The following FRS2 variants were observed in gnomAD, a reference collection of about 807,000 sequenced individuals.
FRS2 encodes FGFR signalling adaptor.
Under a neutral mutation model 43.9 loss-of-function variants are expected in FRS2, and 8 were observed. The ratio of observed to expected loss-of-function variants is 0.18; its 90% CI spans 0.11 to 0.33. The LOEUF is 0.33. FRS2 is among the 10% of genes least tolerant of loss of function. The pLI is 1.00. For missense variants in FRS2, 534 were observed against 627.6 expected (o/e 0.85, Z 1.59); for synonymous variants, 219 against 220.3 (o/e 0.99, Z 0.05).
At chr12:69,569,432 C>CT (rs1474116493) in intron 5 of FRS2, among the ~76,000 whole-genome samples, 21 of 152,310 alleles carry the variant, frequency 1.4e-4, no homozygotes, top group Non-Finnish European at 4.4e-5. Context: ...TAACTGGACT[C>CT]TACCTCAAGT....
At chr12:69,496,748 G>A (rs1872935945) in intron 1 of FRS2, among the ~76,000 whole-genome samples, 1 of 152,172 alleles carries the variant, frequency 6.6e-6, no homozygotes, top group Non-Finnish European at 1.5e-5. Flanking sequence ...GAAGATATTA[G>A]TTATCTTTAC....
At chr12:69,548,234 C>G (rs952758197) in intron 3 of FRS2, among the ~76,000 whole-genome samples, 17 of 152,054 alleles carry the variant, frequency 1.1e-4, no homozygotes, top group African/African-American at 4.1e-4. Flanking sequence ...AGGCAAAGAC[C>G]AATTAGAAGG....
intron 3 of FRS2, among the ~76,000 whole-genome samples, chr12:69,560,336 A>G (rs951091763): frequency 5.3e-5 from 8 of 152,160 alleles, no homozygotes; most frequent in African/African-American, 1.9e-4. Context: ...TGGGTGTCCT[A>G]ATCTTACAAA....
At chr12:69,537,914 A>G (rs1877466314) in intron 3 of FRS2, 1 of 152,492 alleles carries the variant, frequency 6.6e-6, no homozygotes, top group Admixed American at 6.6e-5. Flanking sequence ...AAATTCTTGC[A>G]GGAGATTTTC....
At chr12:69,518,371 A>T (rs1188773053) in intron 1 of FRS2, among the ~76,000 whole-genome samples, 1 of 151,936 alleles carries the variant, frequency 6.6e-6, no homozygotes, top group African/African-American at 2.4e-5. Flanking sequence ...ACAAATGAAG[A>T]TAGTGTTTTC....
intron 1 of FRS2, among the ~76,000 whole-genome samples, chr12:69,492,703 C>T (rs981606184): frequency 2.0e-5 from 3 of 152,074 alleles, no homozygotes; most frequent in Admixed American, 6.5e-5. Context: ...TCTTCCCTGA[C>T]GTGAAAACAT....
At chr12:69,540,397 G>A (rs1409426196) in intron 3 of FRS2, among the ~76,000 whole-genome samples, 1 of 151,266 alleles carries the variant, frequency 6.6e-6, no homozygotes, top group Non-Finnish European at 1.5e-5. Context: ...ATGTCAAAGG[G>A]GCATAGGAGT....
intron 1 of FRS2, among the ~76,000 whole-genome samples, chr12:69,481,646 T>C (rs561657244): frequency 1.3e-5 from 2 of 152,326 alleles, no homozygotes; most frequent in South Asian, 4.1e-4. Context: ...GGTAATTTGA[T>C]CACATATTTT....
chr12:69,534,713 T>C (rs1170735755), intron 3 of FRS2, among the ~76,000 whole-genome samples: 6 of 152,312 alleles, frequency 3.9e-5, no homozygotes, highest in Non-Finnish European at 2.9e-5. Flanking sequence ...GTGGGCAGCA[T>C]GTAGAAACTA....
At chr12:69,509,526 C>T (rs1874266544) in intron 1 of FRS2, among the ~76,000 whole-genome samples, 1 of 152,092 alleles carries the variant, frequency 6.6e-6, no homozygotes, top group South Asian at 2.1e-4. Flanking sequence ...CAATAATCAC[C>T]ACTATTCATC....
chr12:69,484,305 C>T (rs1871631362), intron 1 of FRS2, among the ~76,000 whole-genome samples: 1 of 152,074 alleles, frequency 6.6e-6, no homozygotes, highest in Non-Finnish European at 1.5e-5. Context: ...AGGATGGTCT[C>T]GATCTCCTGA....
chr12:69,561,231 A>C lies in FRS2; in HGVS notation c.-121-949A>C, dbSNP rs1879847819. 3.9e-5 allele frequency among the ~76,000 whole-genome samples: 6 copies of C among 152,292 alleles called. No individual in the cohort carries two copies. In the South Asian group the frequency reaches 1.2e-3, roughly 32 times the overall value. Reference sequence around the variant, plus strand: ...CAGGATTGCCACCCACCTTAAAGTGAGATGTAGCAGCATCTCACAAGGAGT... The same window carrying C: ...CAGGATTGCCACCCACCTTAAAGTGCGATGTAGCAGCATCTCACAAGGAGT... On this transcript the variant is annotated intron_variant, in intron 3 of 8. Coordinates refer to ENST00000549921, the MANE Select transcript of FRS2 (RefSeq NM_001278356.2).
intron 1 of FRS2, among the ~76,000 whole-genome samples, chr12:69,529,447 A>G (rs2135654898): frequency 6.6e-6 from 1 of 152,086 alleles, no homozygotes; most frequent in Non-Finnish European, 1.5e-5. Context: ...AACATGGTGA[A>G]ACCTCGTCTC....
In FRS2 at chr12:69,570,475, C is replaced by G; in HGVS notation, c.211C>G (p.Leu71Val). The G allele has an allele frequency of 6.2e-7, 1 of 1,613,322 alleles. No individual in the cohort carries two copies. Among genetic ancestry groups the G allele is most frequent in the Non-Finnish European group, 8.5e-7 (1 of 1,179,258 alleles). ...GCGACGCTATGGCTATGACTCGAAT[C>G]TCTTTTCTTTTGAAAGTGGTCGAAG... ...CLRRYGYDSNLFSFESGRRCQ... is the reference protein window; with the variant it reads ...CLRRYGYDSNVFSFESGRRCQ... The change falls in exon 6 of 9, where the codon CTC becomes GTC. Residue 71 changes from leucine to valine, a missense_variant. Physicochemically the swap from Leu to Val is conservative, Grantham distance 32. This residue lies in a region of FRS2 where 76 missense variants were observed against 90.5 expected (regional missense o/e 0.84). Coordinates refer to ENST00000549921, the MANE Select transcript of FRS2 (RefSeq NM_001278356.2).
rs1322161361 is a variant in FRS2 at position 69,578,669 on chromosome 12, A to G, written c.*3714A>G. The stretch of plus-strand genomic sequence containing the variant: ...CAAAATATACATTTTATAAAGGACA[A>G]ACTTTGTGTTATGTTTTATTTTCAT... On this transcript the variant is annotated 3_prime_UTR_variant, in exon 9 of 9. Coordinates refer to ENST00000549921, the MANE Select transcript of FRS2 (RefSeq NM_001278356.2). The G allele has an allele frequency of 2.0e-5, 3 of 152,610 alleles. No homozygotes were observed. The highest frequency in any genetic ancestry group is 4.4e-5 in the Non-Finnish European group (3 of 68,018). 9.5% of individuals were successfully genotyped at this position (152,610 alleles called of 1,614,324 possible). A position where few individuals can be genotyped will look rare whatever the true frequency, so the allele number is the denominator to read the frequency against.
chr12:69,480,132 CAT>C (rs1871226602), intron 1 of FRS2, among the ~76,000 whole-genome samples: 1 of 152,162 alleles, frequency 6.6e-6, no homozygotes, highest in Non-Finnish European at 1.5e-5. Context: ...ATACATATAA[CAT>C]AGAATTTACC....
intron 1 of FRS2, among the ~76,000 whole-genome samples, chr12:69,493,246 C>T (rs1244794656): frequency 6.6e-6 from 1 of 152,158 alleles, no homozygotes; most frequent in Non-Finnish European, 1.5e-5. Context: ...TTGAGCTCAG[C>T]CTTTTCAGCA....
chr12:69,471,115 A>G (rs1870243915), intron 1 of FRS2, among the ~76,000 whole-genome samples: 1 of 152,130 alleles, frequency 6.6e-6, no homozygotes, highest in Non-Finnish European at 1.5e-5. Flanking sequence ...CTGGATACGT[A>G]GGTCGCTGTG....
intron 1 of FRS2, among the ~76,000 whole-genome samples, chr12:69,480,931 TGTTA>T (rs141239803): frequency 0.02 from 3,003 of 152,340 alleles, 51 homozygotes; most frequent in African/African-American, 0.05. Flanking sequence ...CGTAACTTTA[TGTTA>T]GTTTTGCAGA....
Sources: gnomAD v4.1 joint callset for allele counts (sites outside exome capture counted in the v4.1 genomes callset) on GRCh38, gnomAD v4.1.1 for gene constraint, gnomAD v4.1.1 regional missense constraint, MANE v1.5 for transcripts, NCBI Gene and HGNC (gene_info 2026-07-23, HGNC 2026-07-21) for gene names.